Variants in ITPRID1 observed in about 807,000 individuals in gnomAD.
ITPRID1 encodes ITPR interacting domain containing 1.
Under a neutral mutation model 95.4 loss-of-function variants are expected in ITPRID1, and 96 were observed. The observed-to-expected ratio is 1.01, with a 90% CI of 0.85 to 1.19. The LOEUF is 1.19. Ranked by LOEUF, ITPRID1 falls within the 50% of genes most tolerant of loss-of-function variation. ITPRID1 has a pLI of 0.00. For synonymous variants in ITPRID1, 510 were observed against 453.6 expected (o/e 1.12, Z -1.58); for missense variants, 1,339 against 1,252.9 (o/e 1.07, Z -1.04).
chr7:31,587,291 T>C (rs1409483849), intron 10 of ITPRID1, among the ~76,000 whole-genome samples: 1 of 152,084 alleles, frequency 6.6e-6, no homozygotes, highest in Non-Finnish European at 1.5e-5. Flanking sequence ...TTCAGCAAAG[T>C]CTCAGGATAC....
intron 5 of ITPRID1, among the ~76,000 whole-genome samples, chr7:31,559,580 G>T (rs1455231251): frequency 8.5e-5 from 13 of 152,140 alleles, no homozygotes; most frequent in Admixed American, 2.6e-4. Context: ...CAGGAGAATT[G>T]CTTGAACCCT....
At chr7:31,617,365 A>G (rs1787352201) in intron 10 of ITPRID1, among the ~76,000 whole-genome samples, 1 of 152,238 alleles carries the variant, frequency 6.6e-6, no homozygotes, top group South Asian at 2.1e-4. Context: ...TGCCAAAGGT[A>G]TCATACCTCT....
chr7:31,657,788 G>A (rs772475855), downstream of ITPRID1, among the ~76,000 whole-genome samples: 2 of 151,910 alleles, frequency 1.3e-5, no homozygotes, highest in African/African-American at 2.4e-5. Flanking sequence ...TTTGCAGAAA[G>A]TTAGCACAGC....
chr7:31,643,680 G>A lies in ITPRID1; in HGVS notation c.2310G>A (p.Lys770=). The change falls in exon 12 of 15, where the codon AAG becomes AAA. Residue 770 remains lysine (K), a synonymous_variant. Transcript: ENST00000615280. ...TTCAGACTTCAGCTCTAAGCAACAA[G>A]ACCTTGACACATGGGCCCCAGCCCC... ...ASIQTSALSN[K]TLTHGPQPLT... The A allele has an allele frequency of 1.2e-6, 2 of 1,614,042 alleles. No homozygotes were observed. Among genetic ancestry groups the A allele is most frequent in the Non-Finnish European group, 1.7e-6 (2 of 1,179,910 alleles).
intron 12 of ITPRID1, 116 bp downstream of exon 12, chr7:31,644,069 TA>T: frequency 1.1e-6 from 1 of 894,096 alleles, no homozygotes; most frequent in South Asian, 1.8e-5. Flanking sequence ...TTTTCTATTT[TA>T]AATCATGAAT....
At chr7:31,556,564 G>A (rs1363527901) in intron 5 of ITPRID1, among the ~76,000 whole-genome samples, 1 of 152,084 alleles carries the variant, frequency 6.6e-6, no homozygotes, top group Non-Finnish European at 1.5e-5. Context: ...TGAGAGAGCT[G>A]CACTGAGCTT....
intron 10 of ITPRID1, among the ~76,000 whole-genome samples, chr7:31,591,668 A>G (rs927977426): frequency 6.6e-6 from 1 of 152,168 alleles, no homozygotes. Flanking sequence ...CCAACAATGA[A>G]TAGTGCCAAA....
At chr7:31,555,718 AAT>A (rs1346455834) in intron 5 of ITPRID1, among the ~76,000 whole-genome samples, 1 of 152,156 alleles carries the variant, frequency 6.6e-6, no homozygotes, top group Non-Finnish European at 1.5e-5. Flanking sequence ...TAGATGAAAA[AAT>A]TATTAGTCTA....
At chr7:31,593,264 A>G (rs1254407926) in intron 10 of ITPRID1, among the ~76,000 whole-genome samples, 2 of 152,132 alleles carry the variant, frequency 1.3e-5, no homozygotes, top group Non-Finnish European at 2.9e-5. Context: ...AAATCATACC[A>G]CTGCACTCCA....
In ITPRID1 at chr7:31,652,965, T is replaced by C. The variant is rs1261717781; in HGVS notation, c.*136T>C. On this transcript the variant is annotated 3_prime_UTR_variant, in exon 15 of 15. Coordinates refer to ENST00000615280, the MANE Select transcript of ITPRID1 (RefSeq NM_001257967.3). ...ATATCTCTCATATTCTACCCTTTGG[T>C]TAAACCCAAGAGGAGTTTAGAATAC... is the stretch of plus-strand genomic sequence containing the variant. 1.8e-5 allele frequency: 27 copies of C among 1,461,246 alleles called. No homozygotes were observed. Among genetic ancestry groups the C allele is most frequent in the Non-Finnish European group, 2.4e-5 (27 of 1,109,792 alleles). 90.5% of individuals were successfully genotyped at this position (1,461,246 alleles called of 1,614,324 possible).
At chr7:31,551,230 A>G (rs925441711) in intron 2 of ITPRID1, among the ~76,000 whole-genome samples, 3 of 143,806 alleles carry the variant, frequency 2.1e-5, no homozygotes, top group Non-Finnish European at 3.1e-5. Context: ...ATTAGCATTC[A>G]TGCTCACAAG....
intron 1 of ITPRID1, among the ~76,000 whole-genome samples, chr7:31,537,134 T>TGTGTGTGTGTGTG (rs1583470872): frequency 1.4e-5 from 2 of 147,932 alleles, no homozygotes; most frequent in African/African-American, 5.0e-5. Flanking sequence ...TGTGTGTGTG[T>TGTGTGTGTGTGTG]TTCCCCTTCC....
chr7:31,651,381 G>A, intron 13 of ITPRID1, 112 bp downstream of exon 13: 2 of 1,248,602 alleles, frequency 1.6e-6, no homozygotes, highest in Non-Finnish European at 2.1e-6. Flanking sequence ...TGAGAAACCG[G>A]CCAGCTTTTC....
intron 5 of ITPRID1, among the ~76,000 whole-genome samples, chr7:31,566,943 T>A (rs1784821692): frequency 6.6e-6 from 1 of 152,298 alleles, no homozygotes; most frequent in East Asian, 1.9e-4. Context: ...AAGAGCTAAG[T>A]GGAAGAGCAC....
chr7:31,562,044 TAAAA>T (rs33912394), intron 5 of ITPRID1, among the ~76,000 whole-genome samples: 58 of 52,548 alleles, frequency 1.1e-3, no homozygotes, highest in African/African-American at 3.7e-3. Flanking sequence ...GCTATGTATT[TAAAA>T]AAAAAAAAAA....
intron 1 of ITPRID1, among the ~76,000 whole-genome samples, chr7:31,537,575 C>T (rs551335372): frequency 1.3e-5 from 2 of 152,168 alleles, no homozygotes; most frequent in Admixed American, 6.6e-5. Flanking sequence ...TAAAATTATA[C>T]ATTTGACATT....
intron 5 of ITPRID1, among the ~76,000 whole-genome samples, chr7:31,558,072 G>A (rs1340508350): frequency 1.3e-5 from 2 of 152,068 alleles, no homozygotes. Flanking sequence ...ATGGGATTGG[G>A]TTAATTATCA....
chr7:31,563,558 A>T (rs1784694484), intron 5 of ITPRID1, among the ~76,000 whole-genome samples: 1 of 152,190 alleles, frequency 6.6e-6, no homozygotes, highest in African/African-American at 2.4e-5. Flanking sequence ...ATAATTAGTG[A>T]TAACTGTCGC....
chr7:31,594,776 G>A (rs984971468), intron 10 of ITPRID1, among the ~76,000 whole-genome samples: 1 of 151,856 alleles, frequency 6.6e-6, no homozygotes, highest in East Asian at 2.0e-4. Flanking sequence ...AGAATCGCTC[G>A]AACTTGGGAG....
Sources: allele counts gnomAD v4.1 joint callset (sites outside exome capture counted in the v4.1 genomes callset), GRCh38; gene constraint gnomAD v4.1.1; transcripts MANE v1.5; gene names NCBI Gene and HGNC (gene_info 2026-07-23, HGNC 2026-07-21).